Variants in COL25A1 observed in about 807,000 individuals in gnomAD.
COL25A1 encodes the protein collagen alpha-1(XXV) chain.
In COL25A1, 103 loss-of-function variants were observed where a neutral mutation model predicts 128.4. The observed-to-expected ratio is 0.80, with a 90% CI of 0.68 to 0.94. The LOEUF is 0.94. Ranked by LOEUF, COL25A1 falls within the 40% of genes least tolerant of loss-of-function variation. The probability of loss-of-function intolerance (pLI) is 0.00; values close to 1 mark genes in which losing one functional copy is unlikely to be tolerated. For missense variants in COL25A1, 745 were observed against 840.0 expected, an observed-to-expected ratio of 0.89 and a Z score of 1.40; for synonymous variants, 279 against 277.2, an observed-to-expected ratio of 1.01 and a Z score of -0.06.
intron 10 of COL25A1, among the ~76,000 whole-genome samples, chr4:108,939,648 A>C (rs1039900774): frequency 2.0e-5 from 3 of 152,122 alleles, no homozygotes; most frequent in African/African-American, 7.2e-5. Flanking sequence ...TTCGTGGATA[A>C]ATATTTTCAT....
intron 3 of COL25A1, among the ~76,000 whole-genome samples, chr4:109,073,579 T>C (rs558391227): frequency 1.1e-3 from 165 of 152,350 alleles, no homozygotes; most frequent in Non-Finnish European, 2.1e-3. Flanking sequence ...CAACAAAATG[T>C]ATCCTTTGGG....
At chr4:109,077,598 T>C (rs1019757142) in intron 3 of COL25A1, among the ~76,000 whole-genome samples, 26 of 152,184 alleles carry the variant, frequency 1.7e-4, no homozygotes, top group Admixed American at 1.7e-3. Flanking sequence ...AGAAGCCCAA[T>C]GAACACCAGC....
At chr4:109,010,274 T>C (rs897910749) in intron 6 of COL25A1, 84 bp downstream of exon 6, 10 of 1,093,784 alleles carry the variant, frequency 9.1e-6, no homozygotes, top group Middle Eastern at 2.1e-4. Flanking sequence ...AGCTTTTTTA[T>C]ATCTTTTGAA....
At chr4:108,872,670 G>T (rs995761065) in intron 19 of COL25A1, among the ~76,000 whole-genome samples, 2 of 149,100 alleles carry the variant, frequency 1.3e-5, no homozygotes, top group African/African-American at 5.0e-5. Flanking sequence ...ATTAAGTCAG[G>T]CATTAGATTT....
At chr4:109,033,183 A>G (rs1220273625) in intron 5 of COL25A1, among the ~76,000 whole-genome samples, 1 of 152,268 alleles carries the variant, frequency 6.6e-6, no homozygotes, top group Non-Finnish European at 1.5e-5. Flanking sequence ...CAGTTCACAC[A>G]CAACACATGT....
At chr4:108,819,383 C>A in intron 35 of COL25A1, 54 bp from the exon 36 acceptor site, 2 of 1,435,468 alleles carry the variant, frequency 1.4e-6, no homozygotes, top group South Asian at 1.2e-5. Flanking sequence ...CACTTAAGCA[C>A]AAATTCTGCG....
At chr4:109,077,292 C>G (rs778661614) in intron 3 of COL25A1, among the ~76,000 whole-genome samples, 8 of 152,222 alleles carry the variant, frequency 5.3e-5, no homozygotes, top group Admixed American at 2.0e-4. Context: ...ATCTATACAG[C>G]AATACTTAAG....
chr4:108,989,076 G>A (rs1753928958), intron 6 of COL25A1, among the ~76,000 whole-genome samples: 1 of 152,176 alleles, frequency 6.6e-6, no homozygotes, highest in South Asian at 2.1e-4. Flanking sequence ...AGATCATTAT[G>A]TTCACCACAA....
intron 3 of COL25A1, among the ~76,000 whole-genome samples, chr4:109,065,107 G>A (rs1054386598): frequency 6.6e-6 from 1 of 152,182 alleles, no homozygotes; most frequent in African/African-American, 2.4e-5. Context: ...TAGCCCCTCG[G>A]ACTGGACTGA....
At position 108,859,737 on chromosome 4, in the gene COL25A1, T is replaced by G; in HGVS notation, c.1243-4A>C. ...CCCCTTTTTGACCAGGTGGACCCTA[T>G]GACAAAACCAATCAAGGGAAAATCA... On this transcript the variant is annotated splice_region_variant and splice_polypyrimidine_tract_variant and intron_variant, in intron 23 of 37. Coordinates refer to ENST00000399132, the MANE Select transcript of COL25A1 (RefSeq NM_198721.4). 1.9e-6 allele frequency: 3 copies of G among 1,613,166 alleles called. No individual in the cohort carries two copies. Among genetic ancestry groups the G allele is most frequent in the Non-Finnish European group, 2.5e-6 (3 of 1,179,346 alleles).
At chr4:109,226,062 AATC>A (rs1373620049) in intron 3 of COL25A1, among the ~76,000 whole-genome samples, 1 of 152,044 alleles carries the variant, frequency 6.6e-6, no homozygotes, top group African/African-American at 2.4e-5. Context: ...AAAAGAATGA[AATC>A]ATGTCTTTTG....
intron 3 of COL25A1, among the ~76,000 whole-genome samples, chr4:109,053,173 AG>A (rs200737277): frequency 0.01 from 1,537 of 152,304 alleles, 29 homozygotes; most frequent in African/African-American, 0.035. Flanking sequence ...ATTGCTCTTC[AG>A]GATTAGAAAA....
chr4:108,939,095 C>A (rs1485309244), intron 10 of COL25A1, among the ~76,000 whole-genome samples: 1 of 152,114 alleles, frequency 6.6e-6, no homozygotes, highest in African/African-American at 2.4e-5. Flanking sequence ...TAATTTCTAT[C>A]TTGAATTTCA....
intron 19 of COL25A1, among the ~76,000 whole-genome samples, chr4:108,883,314 G>A (rs566770227): frequency 3.3e-5 from 5 of 152,138 alleles, no homozygotes; most frequent in South Asian, 2.1e-4. Flanking sequence ...ATGAGCCACC[G>A]TGCCCGGCCT....
At chr4:108,912,156 T>G (rs1356946325) in intron 13 of COL25A1, among the ~76,000 whole-genome samples, 2 of 152,014 alleles carry the variant, frequency 1.3e-5, no homozygotes, top group African/African-American at 4.8e-5. Flanking sequence ...AAGAGTAGAG[T>G]AGCCTTGTGT....
At chr4:108,835,361 T>C (rs902794173) in intron 31 of COL25A1, among the ~76,000 whole-genome samples, 1 of 152,196 alleles carries the variant, frequency 6.6e-6, no homozygotes, top group Non-Finnish European at 1.5e-5. Flanking sequence ...AAAAATTCTA[T>C]TGTCAAGATT....
chr4:109,231,466 G>T (rs1053460517), intron 3 of COL25A1, among the ~76,000 whole-genome samples: 5 of 152,272 alleles, frequency 3.3e-5, no homozygotes, highest in African/African-American at 9.6e-5. Context: ...CTTGTTTGTG[G>T]TGTGTATTAT....
At chr4:109,094,548 C>A (rs1579346486) in intron 3 of COL25A1, among the ~76,000 whole-genome samples, 1 of 152,220 alleles carries the variant, frequency 6.6e-6, no homozygotes, top group East Asian at 1.9e-4. Context: ...AATCGTCTAC[C>A]CCCTTCTTGT....
At chr4:109,164,625 A>G (rs964400850) in intron 3 of COL25A1, among the ~76,000 whole-genome samples, 1 of 152,222 alleles carries the variant, frequency 6.6e-6, no homozygotes, top group Non-Finnish European at 1.5e-5. Flanking sequence ...TTTACTTGAT[A>G]AGAATCATTT....
Sources: allele counts gnomAD v4.1 joint callset (sites outside exome capture counted in the v4.1 genomes callset), GRCh38; gene constraint gnomAD v4.1.1; transcripts MANE v1.5; gene names NCBI Gene and HGNC (gene_info 2026-07-23, HGNC 2026-07-21).